The following HOGA1 variants were observed in gnomAD, a reference collection of about 807,000 sequenced individuals.
HOGA1 encodes the protein 4-hydroxy-2-oxoglutarate aldolase, mitochondrial.
HOGA1 carries 30 observed loss-of-function variants against 34.3 expected under a neutral mutation model. That is an observed-to-expected ratio of 0.87 (90% CI 0.65 to 1.19). The LOEUF is 1.19. Ranked by LOEUF, HOGA1 falls within the 50% of genes most tolerant of loss-of-function variation. The pLI is 0.00. For missense variants in HOGA1, 417 were observed against 436.5 expected (o/e 0.96, Z 0.40); for synonymous variants, 161 against 174.0 (o/e 0.93, Z 0.59).
chr10:97,586,532 G>T (rs1464733877), intron 1 of HOGA1, among the ~76,000 whole-genome samples: 1 of 152,190 alleles, frequency 6.6e-6, no homozygotes, highest in Non-Finnish European at 1.5e-5. Flanking sequence ...TGGCTCGTGG[G>T]GCCTGGAGGT....
chr10:97,604,612 C>T (rs111453627), intron 6 of HOGA1, among the ~76,000 whole-genome samples: 5,244 of 152,110 alleles, frequency 0.034, 311 homozygotes, highest in African/African-American at 0.12. Context: ...TGAGCCACCA[C>T]GGCTGGCCCC....
At chr10:97,589,437 A>G (rs1409329339) in intron 1 of HOGA1, among the ~76,000 whole-genome samples, 3 of 151,550 alleles carry the variant, frequency 2.0e-5, no homozygotes, top group African/African-American at 7.3e-5. Flanking sequence ...GAAACCAAAG[A>G]CTGGAAGATA....
intron 1 of HOGA1, among the ~76,000 whole-genome samples, chr10:97,596,287 C>G (rs1241965393): frequency 6.6e-6 from 1 of 152,164 alleles, no homozygotes; most frequent in Non-Finnish European, 1.5e-5. Context: ...AGCTGTCCTG[C>G]TGTTTAGACC....
chr10:97,604,077 A>G (rs1382513978), intron 6 of HOGA1, among the ~76,000 whole-genome samples: 1 of 152,118 alleles, frequency 6.6e-6, no homozygotes, highest in African/African-American at 2.4e-5. Context: ...AGCCATGCCT[A>G]CTCACATTTG....
chr10:97,590,753 A>T (rs1423879286), intron 1 of HOGA1: 1 of 632,646 alleles, frequency 1.6e-6, no homozygotes, highest in Admixed American at 3.0e-5. Flanking sequence ...TTTAAACTCC[A>T]TGAGTGGGGT....
chr10:97,592,740 A>C (rs2041036750), intron 1 of HOGA1, among the ~76,000 whole-genome samples: 3 of 151,956 alleles, frequency 2.0e-5, no homozygotes, highest in Non-Finnish European at 4.4e-5. Context: ...TAAAAAAAGA[A>C]TGGTCAGGCT....
In HOGA1 at chr10:97,599,191, C is replaced by T. The variant is rs149896778; in HGVS notation, c.443C>T (p.Ala148Val). The T allele has an allele frequency of 9.2e-5, 148 of 1,613,910 alleles. No homozygotes were observed. The highest frequency in any genetic ancestry group is 3.3e-4 in the South Asian group (30 of 91,082). ...PCYYRGRMSS[A>V]ALIHHYTKVA... is the part of the protein sequence containing the mutation. ...TACTATCGTGGCCGCATGAGCAGTGCGGCCCTCATTCACCACTACACCAAG... is the reference window on the plus strand; with the variant it reads ...TACTATCGTGGCCGCATGAGCAGTGTGGCCCTCATTCACCACTACACCAAG... Residue 148 changes from alanine (A) to valine (V), a missense_variant, in exon 3 of 7, where the codon GCG (alanine) becomes GTG (valine). By Grantham distance (64) the Ala-to-Val change is moderately conservative. Transcript: ENST00000370646.
At chr10:97,586,847 G>T (rs1157954850) in intron 1 of HOGA1, among the ~76,000 whole-genome samples, 3 of 152,136 alleles carry the variant, frequency 2.0e-5, no homozygotes, top group African/African-American at 7.2e-5. Flanking sequence ...ACCTATGCAG[G>T]CTCCAGCTCC....
intron 1 of HOGA1, among the ~76,000 whole-genome samples, chr10:97,597,669 C>T (rs975099692): frequency 3.3e-5 from 5 of 152,048 alleles, no homozygotes; most frequent in Non-Finnish European, 7.4e-5. Flanking sequence ...AGAAATGTGG[C>T]GCACAGTCAG....
At chr10:97,586,270 A>G (rs570278779) in intron 1 of HOGA1, among the ~76,000 whole-genome samples, 1 of 152,320 alleles carries the variant, frequency 6.6e-6, no homozygotes, top group Non-Finnish European at 1.5e-5. Context: ...GAGAGAATGC[A>G]AGTGAAATCG....
At chr10:97,606,846 C>T (rs2041161508) in intron 6 of HOGA1, among the ~76,000 whole-genome samples, 1 of 152,182 alleles carries the variant, frequency 6.6e-6, no homozygotes, top group East Asian at 1.9e-4. Flanking sequence ...GGACAACTGA[C>T]TTCTTTACTA....
intron 1 of HOGA1, among the ~76,000 whole-genome samples, chr10:97,587,530 A>G (rs1380885596): frequency 6.6e-6 from 1 of 151,756 alleles, no homozygotes; most frequent in African/African-American, 2.4e-5. Flanking sequence ...TTTTTTTGAG[A>G]CAGAGTCTTG....
intron 1 of HOGA1, among the ~76,000 whole-genome samples, chr10:97,596,658 C>T (rs999524518): frequency 3.4e-5 from 5 of 148,204 alleles, no homozygotes; most frequent in African/African-American, 1.0e-4. Flanking sequence ...GAGCGAGAAG[C>T]TGTGTGCCTC....
Position 97,610,119 on chromosome 10 carries a change from C to A in HOGA1, c.835-1391C>A, listed in dbSNP as rs78582920. ...AGCATGAAATAACCAGTTGCTATAC[C>A]AAAAGCAAGGAAATTTGATGCTTCA... On this transcript the variant is annotated intron_variant, in intron 6 of 6. Transcript: ENST00000370646. Among the ~76,000 whole-genome samples the A allele has an allele frequency of 8.1e-3, 1,230 of 152,248 alleles. 19 individuals are homozygous for A. The highest frequency in any genetic ancestry group is 0.026 in the African/African-American group (1,089 of 41,550).
intron 6 of HOGA1, among the ~76,000 whole-genome samples, chr10:97,611,062 G>C (rs892865820): frequency 3.3e-5 from 5 of 152,172 alleles, no homozygotes; most frequent in Non-Finnish European, 7.3e-5. Context: ...GATGCAAGGG[G>C]AGTAGAGGTC....
chr10:97,599,442 T>G, intron 3 of HOGA1: 1 of 717,060 alleles, frequency 1.4e-6, no homozygotes, highest in Non-Finnish European at 2.4e-6. Flanking sequence ...AGGGTTGCAG[T>G]GAGCATTAAA....
Position 97,599,721 on chromosome 10 carries a change from C to T in HOGA1, c.510C>T (p.Val170=). 6.2e-7 allele frequency: 1 copy of T among 1,614,158 alleles called. No individual in the cohort carries two copies. ...LSPIPVVLYS[V]PANTGLDLPV... is the part of the protein sequence containing the mutation. ...CAATCCCTGTGGTGCTGTACAGTGT[C>T]CCAGCCAACACAGGGCTGGACCTGC... The change falls in exon 4 of 7, where the codon GTC becomes GTT. Residue 170 remains valine, a synonymous_variant. Transcript: ENST00000370646.
chr10:97,585,667 A>G (rs1388455382), intron 1 of HOGA1, among the ~76,000 whole-genome samples: 2 of 152,098 alleles, frequency 1.3e-5, no homozygotes, highest in African/African-American at 2.4e-5. Context: ...CGGCTAACAC[A>G]TAGCTGAGCT....
intron 6 of HOGA1, among the ~76,000 whole-genome samples, chr10:97,610,331 G>A (rs1326105160): frequency 6.6e-6 from 1 of 151,958 alleles, no homozygotes; most frequent in Non-Finnish European, 1.5e-5. Flanking sequence ...AGCCAGGCAT[G>A]CTGTCATGCA....
Sources: allele counts gnomAD v4.1 joint callset (sites outside exome capture counted in the v4.1 genomes callset), GRCh38; gene constraint gnomAD v4.1.1; transcripts MANE v1.5; gene names NCBI Gene and HGNC (gene_info 2026-07-23, HGNC 2026-07-21).